Variants in AKAP9 observed in about 807,000 individuals in gnomAD.
The protein encoded by AKAP9 is A-kinase anchoring protein 9, also known as A-kinase anchor protein 9.
Under a neutral mutation model 488.5 loss-of-function variants are expected in AKAP9, and 311 were observed. That is an observed-to-expected ratio of 0.64 (90% CI 0.58 to 0.70). The LOEUF (loss-of-function observed/expected upper bound fraction) is 0.70, where lower values mean the gene tolerates loss of function less well. Among genes scored for constraint, AKAP9 ranks in the 30% least tolerant of loss-of-function variants. AKAP9 has a pLI of 0.00. For synonymous variants in AKAP9, 1,462 were observed against 1,483.5 expected, an observed-to-expected ratio of 0.99 and a Z score of 0.33; for missense variants, 4,215 against 4,374.5, an observed-to-expected ratio of 0.96 and a Z score of 1.03.
At chr7:92,076,161 T>C (rs1812553751) in intron 28 of AKAP9, among the ~76,000 whole-genome samples, 1 of 152,242 alleles carries the variant, frequency 6.6e-6, no homozygotes, top group Non-Finnish European at 1.5e-5. Flanking sequence ...TAATTCTTAA[T>C]ATTCATCATT....
At chr7:92,085,756 T>C in intron 36 of AKAP9, 70 bp downstream of exon 36, 1 of 1,149,924 alleles carries the variant, frequency 8.7e-7, no homozygotes, top group Non-Finnish European at 1.2e-6. Flanking sequence ...CATTATAAAT[T>C]AAATTATCTT....
chr7:92,062,171 G>A (rs903466633), intron 23 of AKAP9, 103 bp from the exon 24 acceptor site: 1 of 1,030,316 alleles, frequency 9.7e-7, no homozygotes, highest in Admixed American at 2.1e-5. Flanking sequence ...TTGGAATGAT[G>A]GAAAGTTTTG....
chr7:91,975,931 T>G (rs1312821806), intron 2 of AKAP9, among the ~76,000 whole-genome samples: 4 of 150,120 alleles, frequency 2.7e-5, no homozygotes, highest in African/African-American at 9.7e-5. Context: ...GTTTGTTTTT[T>G]TTTTTTTTGA....
rs576075799 is a variant in AKAP9 at position 92,016,158 on chromosome 7, T to C, written c.3642T>C (p.Tyr1214=). 2 of 1,604,056 alleles carry C rather than the reference T, an allele frequency of 1.2e-6. No homozygotes were observed. Among genetic ancestry groups the C allele is most frequent in the South Asian group, 1.1e-5 (1 of 90,832 alleles). The change falls in exon 11 of 50, where the codon TAT becomes TAC. Residue 1214 remains tyrosine, a synonymous_variant. Transcript: ENST00000356239. The part of the protein sequence containing the change: ...QTLCSVLGEY[Y]TPALKCEVNA... The stretch of plus-strand genomic sequence containing the variant: ...TATGCAGTGTCCTTGGTGAATATTA[T>C]ACTCCTGCTTTAAAATGTGAAGTAA...
intron 43 of AKAP9, among the ~76,000 whole-genome samples, chr7:92,099,443 A>G (rs750162006): frequency 8.5e-5 from 13 of 152,198 alleles, no homozygotes; most frequent in Admixed American, 1.3e-4. Context: ...AAAGTGAAGC[A>G]ATCTAGACTT....
intron 47 of AKAP9, 54 bp downstream of exon 47, chr7:92,105,817 C>T (rs1818419003): frequency 2.4e-5 from 34 of 1,442,908 alleles, no homozygotes; most frequent in South Asian, 2.2e-4. Context: ...AATCAGAGGT[C>T]CCCCACCCCC....
rs563929916 is a variant in AKAP9, at chr7:92,009,728, T to C, written c.3319-2701T>C. ...ACAAACAAATAAAATTATAGATGAA[T>C]CTTACTTATGAGTGGCTGTAGAAAT... On this transcript the variant is annotated intron_variant, in intron 8 of 49. Coordinates refer to ENST00000356239, the MANE Select transcript of AKAP9 (RefSeq NM_005751.5). 2.6e-5 allele frequency among the ~76,000 whole-genome samples: 4 copies of C among 152,212 alleles called. No homozygotes were observed. The East Asian group carries it at 7.7e-4, about 29-fold the overall frequency.
At chr7:92,045,599 G>C (rs1014124355) in intron 21 of AKAP9, among the ~76,000 whole-genome samples, 1 of 152,118 alleles carries the variant, frequency 6.6e-6, no homozygotes, top group South Asian at 2.1e-4. Context: ...TAGGAACCCA[G>C]CACCAGCTTC....
At chr7:92,033,434 TTTC>T (rs1413672084) in intron 16 of AKAP9, among the ~76,000 whole-genome samples, 1 of 145,890 alleles carries the variant, frequency 6.9e-6, no homozygotes, top group Non-Finnish European at 1.5e-5. Flanking sequence ...TTTCTTTTCT[TTTC>T]TTTTCTTTTT....
chr7:92,091,872 T>G (rs1026656577), intron 38 of AKAP9: 1 of 140,094 alleles, frequency 7.1e-6, no homozygotes. Flanking sequence ...TGATTGATTA[T>G]CATCTAAAGC....
chr7:92,040,693 T>C lies in AKAP9; in HGVS notation c.4712T>C (p.Val1571Ala). The C allele has an allele frequency of 6.3e-7, 1 of 1,599,872 alleles. No individual in the cohort carries two copies. The highest frequency in any genetic ancestry group is 8.6e-7 in the Non-Finnish European group (1 of 1,168,852). Residue 1571 changes from valine (V) to alanine (A), a missense_variant, in exon 18 of 50, where the codon GTG (valine) becomes GCG (alanine). Val to Ala is a moderately conservative substitution (Grantham distance 64). Transcript: ENST00000356239. The stretch of plus-strand genomic sequence containing the variant: ...TTAAAGATTCATGATGAGATTTCAG[T>C]GTCAAGCATGGATGCTTCTAGACAA... The part of the protein sequence containing the change: ...VRQSIHDEIS[V>A]SSMDASRQLM...
Position 92,022,992 on chromosome 7 carries a change from G to C in AKAP9, c.4131G>C (p.Glu1377Asp), listed in dbSNP as rs373313419. ...CLQKRLQAVS[E>D]STVPPSLPVD... is the part of the protein sequence containing the mutation. ...AGAAGAGGCTTCAAGCTGTTAGTGA[G>C]TCCACGGTTCCGCCAAGGTATTCAT... Residue 1377 changes from glutamate to aspartate, a missense_variant, in exon 14 of 50, where the codon GAG becomes GAC. Transcript: ENST00000356239. 7.4e-6 allele frequency: 12 copies of C among 1,613,698 alleles called. No homozygotes were observed. In the African/African-American group the frequency reaches 9.3e-5, roughly 13 times the overall value.
chr7:92,002,891 T>A lies in AKAP9; in HGVS notation c.2974T>A (p.Leu992Met). ...AAAGCAAGAGAAAGAACAAGTTTCA[T>A]TGAGATGTAGAGAGCTAGAAATCAT... ...SLKQEKEQVS[L>M]RCRELEIIIN... The change falls in exon 8 of 50, where the codon TTG (leucine) becomes ATG (methionine). Residue 992 changes from leucine to methionine, a missense_variant. Physicochemically the swap from Leu to Met is conservative, Grantham distance 15. Coordinates refer to ENST00000356239, the MANE Select transcript of AKAP9 (RefSeq NM_005751.5). 3 of 1,612,738 alleles carry A rather than the reference T, an allele frequency of 1.9e-6. No individual in the cohort carries two copies. Among genetic ancestry groups the A allele is most frequent in the Non-Finnish European group, 2.5e-6 (3 of 1,179,406 alleles).
rs745412384 is a variant in AKAP9, at chr7:92,107,421, A to G, written c.11545A>G (p.Arg3849Gly). The change falls in exon 48 of 50, where the codon AGG becomes GGG. Residue 3849 changes from arginine (R) to glycine (G), a missense_variant and splice_region_variant. Coordinates refer to ENST00000356239, the MANE Select transcript of AKAP9 (RefSeq NM_005751.5). ...YIRSPLPFQNRYPGTPADFNP... is the reference protein window; with the variant it reads ...YIRSPLPFQNGYPGTPADFNP... ...TAGGTCCCCTTTACCATTTCAGAAT[A>G]GGTAAGAATATGAGAAAACCTGCCT... 3 of 1,613,290 alleles carry G rather than the reference A, an allele frequency of 1.9e-6. No individual in the cohort carries two copies.
Position 92,002,527 on chromosome 7 carries a change from C to G in AKAP9, c.2610C>G (p.Cys870Trp). ...AAGAGTTACAAGAGGAGTATGCTTG[C>G]CTTCTCAAAGTAAAAGATGATTTAG... The part of the protein sequence containing the change: ...NYQELQEEYA[C>W]LLKVKDDLED... The change falls in exon 8 of 50, where the codon TGC (cysteine) becomes TGG (tryptophan). Residue 870 changes from cysteine to tryptophan, a missense_variant. Physicochemically the swap from Cys to Trp is radical, Grantham distance 215 (BLOSUM62 -2). This residue lies in a region of AKAP9 where 2,361 missense variants were observed against 2,430.0 expected (regional missense o/e 0.97). Transcript: ENST00000356239. 1 of 1,610,150 alleles carries G rather than the reference C, an allele frequency of 6.2e-7. No homozygotes were observed. The highest frequency in any genetic ancestry group is 1.1e-5 in the South Asian group (1 of 90,066).
rs758943894 is a variant in AKAP9, at chr7:92,076,990, G to A, written c.6748G>A (p.Glu2250Lys). 1 of 1,570,478 alleles carries A rather than the reference G, an allele frequency of 6.4e-7. No homozygotes were observed. The highest frequency in any genetic ancestry group is 8.7e-7 in the Non-Finnish European group (1 of 1,154,254). ...TACCCGCCTACAAGAACTTGAACAGGAAAACAAATTATTTAAGGTAATTAG... is the reference window on the plus strand; with the variant it reads ...TACCCGCCTACAAGAACTTGAACAGAAAAACAAATTATTTAAGGTAATTAG... ...STTRLQELEQ[E>K]NKLFKDDMEK... The change falls in exon 29 of 50, where the codon GAA becomes AAA. Residue 2250 changes from glutamate to lysine, a missense_variant. This residue lies in a region of AKAP9 where 51 missense variants were observed against 87.3 expected (regional missense o/e 0.58). Coordinates refer to ENST00000356239, the MANE Select transcript of AKAP9 (RefSeq NM_005751.5).
At chr7:91,959,077 GT>G (rs1793399904) in intron 1 of AKAP9, among the ~76,000 whole-genome samples, 1 of 151,576 alleles carries the variant, frequency 6.6e-6, no homozygotes, top group Admixed American at 6.6e-5. Context: ...TAGAGATGAG[GT>G]TTCACTATGT....
intron 27 of AKAP9, among the ~76,000 whole-genome samples, chr7:92,070,509 A>G (rs1203100505): frequency 1.3e-5 from 2 of 152,040 alleles, no homozygotes; most frequent in Non-Finnish European, 2.9e-5. Flanking sequence ...ACCTCAGCTT[A>G]CCACAACCTC....
chr7:92,086,114 G>A, intron 36 of AKAP9, 114 bp from the exon 37 acceptor site: 1 of 877,038 alleles, frequency 1.1e-6, no homozygotes, highest in African/African-American at 1.7e-5. Flanking sequence ...ATAAATAAAA[G>A]AAGTACACAT....
Sources: allele counts gnomAD v4.1 joint callset (sites outside exome capture counted in the v4.1 genomes callset), GRCh38; gene constraint gnomAD v4.1.1; regional missense constraint gnomAD v4.1.1; transcripts MANE v1.5; gene names NCBI Gene and HGNC (gene_info 2026-07-23, HGNC 2026-07-21).